The following RAB37 variants were observed in gnomAD, a reference collection of about 807,000 sequenced individuals.
The protein encoded by RAB37 is RAB37, member RAS oncogene family, also known as ras-related protein Rab-37.
RAB37 carries 29 observed loss-of-function variants against 33.1 expected under a neutral mutation model. That is an observed-to-expected ratio of 0.88 (90% CI 0.65 to 1.20). RAB37 has a LOEUF of 1.20. RAB37 is among the 50% of genes most tolerant of loss of function. RAB37 has a pLI of 0.00. For missense variants in RAB37, 299 were observed against 301.1 expected (o/e 0.99, Z 0.05); for synonymous variants, 128 against 119.5 (o/e 1.07, Z -0.47).
At chr17:74,685,223 C>T (rs1314381146) in intron 1 of RAB37, among the ~76,000 whole-genome samples, 2 of 152,030 alleles carry the variant, frequency 1.3e-5, no homozygotes, top group Non-Finnish European at 1.5e-5. Context: ...CTTGCTCTGT[C>T]ACCCAGGCTA....
chr17:74,728,779 CTG>C (rs979581526), intron 1 of RAB37, among the ~76,000 whole-genome samples: 15 of 149,112 alleles, frequency 1.0e-4, no homozygotes, highest in East Asian at 2.0e-4. Context: ...ATGTATGTTT[CTG>C]TGTCATGTGT....
chr17:74,740,982 G>A (rs564707574), intron 2 of RAB37, 104 bp downstream of exon 2: 23 of 845,968 alleles, frequency 2.7e-5, no homozygotes, highest in South Asian at 1.1e-4. Context: ...AGGGACTCCC[G>A]AGGCTCATGC....
intron 1 of RAB37, among the ~76,000 whole-genome samples, chr17:74,713,928 A>G (rs2034112115): frequency 8.8e-6 from 1 of 113,924 alleles, no homozygotes; most frequent in Non-Finnish European, 1.8e-5. Flanking sequence ...AAAAAAAAAA[A>G]GTCAGGCATG....
At chr17:74,680,961 T>G (rs9894304) in intron 1 of RAB37, among the ~76,000 whole-genome samples, 3 of 152,072 alleles carry the variant, frequency 2.0e-5, no homozygotes, top group Non-Finnish European at 2.9e-5. Flanking sequence ...CCTGTTCACA[T>G]GCTCCCCTTG....
intron 1 of RAB37, among the ~76,000 whole-genome samples, chr17:74,675,592 C>G (rs943133835): frequency 6.6e-6 from 1 of 152,178 alleles, no homozygotes; most frequent in African/African-American, 2.4e-5. Context: ...ACCTATTTCA[C>G]AGGCAGAAGT....
In RAB37 at chr17:74,742,846, G is replaced by A. The variant is rs889286625; in HGVS notation, c.247-283G>A. On this transcript the variant is annotated intron_variant, in intron 3 of 8. Transcript: ENST00000392613. The surrounding 1 kb of genome is among the most constrained non-coding windows in gnomAD (Gnocchi z 4.0). ...TTCACTGTGTTAGCCAGGATGGTCT[G>A]GATCTCCTGACCTCGTGATCCGCCT... Among the ~76,000 whole-genome samples, 1 of 152,050 alleles carries A rather than the reference G, an allele frequency of 6.6e-6. No individual in the cohort carries two copies. Among genetic ancestry groups the A allele is most frequent in the East Asian group, 1.9e-4 (1 of 5,168 alleles).
At chr17:74,691,546 A>G (rs2032157044) in intron 1 of RAB37, among the ~76,000 whole-genome samples, 1 of 152,116 alleles carries the variant, frequency 6.6e-6, no homozygotes, top group Admixed American at 6.6e-5. Context: ...ATGCTGTTTC[A>G]CTGCTCTTCA....
intron 1 of RAB37, among the ~76,000 whole-genome samples, chr17:74,722,244 C>G (rs2034251920): frequency 6.6e-6 from 1 of 151,018 alleles, no homozygotes; most frequent in African/African-American, 2.4e-5. Flanking sequence ...GATCGTGCCC[C>G]TGCACCCTGG....
intron 2 of RAB37, among the ~76,000 whole-genome samples, chr17:74,731,825 T>C (rs1411329857): frequency 6.6e-6 from 1 of 151,818 alleles, no homozygotes; most frequent in African/African-American, 2.4e-5. Context: ...CTGGCCAACA[T>C]GGCAAAACCC....
At chr17:74,695,193 T>C (rs1253094678) in intron 1 of RAB37, 2 of 1,614,160 alleles carry the variant, frequency 1.2e-6, no homozygotes, top group Non-Finnish European at 1.7e-6. Context: ...GGTCGGTTCC[T>C]GATCCTCAGC....
chr17:74,703,287 T>C (rs1018839010), intron 1 of RAB37: 6 of 630,646 alleles, frequency 9.5e-6, no homozygotes, highest in Non-Finnish European at 1.7e-5. Flanking sequence ...CACTCATGTC[T>C]CCCTGGTCTC....
Position 74,671,759 on chromosome 17 carries a change from T to A in RAB37, c.72+101T>A. The stretch of plus-strand genomic sequence containing the variant: ...TTTGCTTTGGGACTTAATGAGAAAC[T>A]AGCTTGTATCTGTGAGTCTGGGGAG... On this transcript the variant is annotated intron_variant, in intron 1 of 7. Transcript: ENST00000340415. The surrounding 1 kb of genome is among the most constrained non-coding windows in gnomAD (Gnocchi z 5.0). 1 of 1,006,792 alleles carries A rather than the reference T, an allele frequency of 9.9e-7. No individual in the cohort carries two copies. The highest frequency in any genetic ancestry group is 1.5e-6 in the Non-Finnish European group (1 of 648,416). 62.4% of individuals were successfully genotyped at this position (1,006,792 alleles called of 1,614,324 possible).
At chr17:74,712,743 G>T (rs2034061604) in intron 1 of RAB37, 1 of 1,447,904 alleles carries the variant, frequency 6.9e-7, no homozygotes, top group Non-Finnish European at 9.7e-7. Flanking sequence ...ACACCTTCTG[G>T]CCGGGTCCCT....
At chr17:74,674,241 A>AG (rs1187270077) in intron 1 of RAB37, among the ~76,000 whole-genome samples, 1 of 151,906 alleles carries the variant, frequency 6.6e-6, no homozygotes, top group Non-Finnish European at 1.5e-5. Flanking sequence ...TGCCTGGCTA[A>AG]TTTTTTGGCA....
chr17:74,743,743 C>T (rs2034679157), intron 5 of RAB37, among the ~76,000 whole-genome samples: 1 of 152,214 alleles, frequency 6.6e-6, no homozygotes, highest in Non-Finnish European at 1.5e-5. Context: ...GTTGTATCCT[C>T]ACAACCAAAC....
upstream of RAB37, among the ~76,000 whole-genome samples, chr17:74,735,061 GAGAA>G (rs1316721965): frequency 6.6e-5 from 7 of 105,684 alleles, no homozygotes; most frequent in South Asian, 2.9e-4. Flanking sequence ...AAGAAAGAAA[GAGAA>G]AGAAAGGGAA....
chr17:74,718,359 C>G (rs1034686898), intron 1 of RAB37, among the ~76,000 whole-genome samples: 1 of 151,794 alleles, frequency 6.6e-6, no homozygotes, highest in Non-Finnish European at 1.5e-5. Context: ...CATATCATAT[C>G]ATATCCACCC....
chr17:74,689,039 A>T (rs528194733), intron 1 of RAB37, among the ~76,000 whole-genome samples: 1 of 152,358 alleles, frequency 6.6e-6, no homozygotes, highest in Admixed American at 6.5e-5. Context: ...CAGTGGCTCA[A>T]ACCCGTAATC....
intron 1 of RAB37, among the ~76,000 whole-genome samples, chr17:74,701,523 T>C (rs1215650096): frequency 1.3e-5 from 2 of 152,194 alleles, no homozygotes; most frequent in African/African-American, 4.8e-5. Flanking sequence ...GAAAATAAAC[T>C]TTCAAATCAG....
Sources: gnomAD v4.1 joint callset for allele counts (sites outside exome capture counted in the v4.1 genomes callset) on GRCh38, gnomAD v4.1.1 for gene constraint, Gnocchi (gnomAD v3.1) non-coding constraint, MANE v1.5 for transcripts, NCBI Gene and HGNC (gene_info 2026-07-23, HGNC 2026-07-21) for gene names.